BMP6: variants seen among roughly 807,000 people sequenced by gnomAD.
BMP6 encodes the protein VG-1-R.
In BMP6, 17 loss-of-function variants were observed where a neutral mutation model predicts 54.1. The observed-to-expected ratio is 0.31, with a 90% CI of 0.22 to 0.47. The LOEUF is 0.47. BMP6 is among the 20% of genes least tolerant of loss of function. The pLI, the probability that BMP6 is intolerant of heterozygous loss-of-function variation, is 1.00. For synonymous variants in BMP6, 328 were observed against 291.2 expected, an observed-to-expected ratio of 1.13 and a Z score of -1.28; for missense variants, 720 against 690.4, an observed-to-expected ratio of 1.04 and a Z score of -0.48.
intron 1 of BMP6, among the ~76,000 whole-genome samples, chr6:7,806,635 A>T (rs1051735043): frequency 1.3e-5 from 2 of 152,244 alleles, no homozygotes; most frequent in African/African-American, 4.8e-5. Flanking sequence ...TAAACAAAGC[A>T]AGTACAAAGT....
intron 1 of BMP6, among the ~76,000 whole-genome samples, chr6:7,841,813 A>G (rs1390388099): frequency 6.6e-6 from 1 of 152,180 alleles, no homozygotes; most frequent in African/African-American, 2.4e-5. Flanking sequence ...ACTTCATGAT[A>G]TTGTTGTTTT....
At chr6:7,840,358 C>T (rs1477542049) in intron 1 of BMP6, among the ~76,000 whole-genome samples, 1 of 152,184 alleles carries the variant, frequency 6.6e-6, no homozygotes, top group Non-Finnish European at 1.5e-5. Flanking sequence ...ACAACAGTCT[C>T]AGTCACTTTC....
rs1337861918 is a variant in BMP6 at position 7,797,776 on chromosome 6, AC to A, written c.665-47362del. Among the ~76,000 whole-genome samples, 5 of 152,306 alleles carry A rather than the reference AC, an allele frequency of 3.3e-5. No individual in the cohort carries two copies. The East Asian group carries it at 9.6e-4, about 29-fold the overall frequency. The stretch of plus-strand genomic sequence containing the variant: ...TTAATAACAGCAACAAAAAGAAGAG[AC>A]CGATACAAGTTATAGAGAACCTCAA... On this transcript the variant is annotated intron_variant, in intron 1 of 6. Transcript: ENST00000283147.
At chr6:7,801,188 C>A (rs535774690) in intron 1 of BMP6, among the ~76,000 whole-genome samples, 2 of 152,326 alleles carry the variant, frequency 1.3e-5, no homozygotes, top group South Asian at 4.1e-4. Flanking sequence ...CTTTTTAAGA[C>A]AGCATTTATT....
chr6:7,786,452 T>G (rs76394620), intron 1 of BMP6, among the ~76,000 whole-genome samples: 1,689 of 128,374 alleles, frequency 0.013, 14 homozygotes, highest in East Asian at 0.045. Context: ...TTTTCCCTTC[T>G]TTAGTCTGTT....
At chr6:7,762,406 G>A (rs1250096062) in intron 1 of BMP6, among the ~76,000 whole-genome samples, 1 of 152,200 alleles carries the variant, frequency 6.6e-6, no homozygotes, top group Non-Finnish European at 1.5e-5. Flanking sequence ...GATCTTGAAG[G>A]TTTGCTTTAA....
At chr6:7,847,626 A>G (rs1759086275) in intron 2 of BMP6, among the ~76,000 whole-genome samples, 1 of 152,214 alleles carries the variant, frequency 6.6e-6, no homozygotes, top group Non-Finnish European at 1.5e-5. Context: ...TTGAAAAATT[A>G]AAAACAGAGT....
intron 1 of BMP6, among the ~76,000 whole-genome samples, chr6:7,804,041 T>G (rs1299160722): frequency 6.6e-6 from 1 of 152,088 alleles, no homozygotes; most frequent in Admixed American, 6.6e-5. Context: ...TGCCCTCCAA[T>G]GAATATAAAA....
At chr6:7,850,604 G>A (rs540204605) in intron 2 of BMP6, among the ~76,000 whole-genome samples, 32 of 152,206 alleles carry the variant, frequency 2.1e-4, no homozygotes, top group African/African-American at 6.0e-4. Context: ...GAGAGAAAAG[G>A]GTAAAAACAC....
intron 1 of BMP6, among the ~76,000 whole-genome samples, chr6:7,773,335 A>AT (rs1757818217): frequency 6.6e-6 from 1 of 152,196 alleles, no homozygotes; most frequent in Non-Finnish European, 1.5e-5. Flanking sequence ...TCCAAAAGGA[A>AT]TTAGGGAAGG....
At chr6:7,866,425 A>T (rs1759424837) in intron 4 of BMP6, among the ~76,000 whole-genome samples, 1 of 152,016 alleles carries the variant, frequency 6.6e-6, no homozygotes, top group African/African-American at 2.4e-5. Context: ...ACTCTCTTTT[A>T]TGGTAGCTCT....
intron 1 of BMP6, among the ~76,000 whole-genome samples, chr6:7,764,561 G>A (rs913303871): frequency 6.6e-6 from 1 of 152,120 alleles, no homozygotes; most frequent in African/African-American, 2.4e-5. Context: ...TCAGATGTTC[G>A]TTCTGATGGT....
At chr6:7,877,399 A>C (rs1759637531) in intron 4 of BMP6, among the ~76,000 whole-genome samples, 1 of 152,146 alleles carries the variant, frequency 6.6e-6, no homozygotes, top group African/African-American at 2.4e-5. Flanking sequence ...AGATGGGCAG[A>C]TCACTTAAGG....
intron 1 of BMP6, among the ~76,000 whole-genome samples, chr6:7,736,705 G>A (rs80307251): frequency 2.0e-5 from 3 of 152,326 alleles, no homozygotes; most frequent in Non-Finnish European, 2.9e-5. Flanking sequence ...AGAGCAGTTC[G>A]TTTGAGGGAT....
chr6:7,877,941 C>T (rs1036583220), intron 4 of BMP6, among the ~76,000 whole-genome samples: 1 of 152,226 alleles, frequency 6.6e-6, no homozygotes, highest in Non-Finnish European at 1.5e-5. Flanking sequence ...TGCTCTGCAG[C>T]TCAGAACCCT....
chr6:7,783,754 T>A (rs768838975), intron 1 of BMP6, among the ~76,000 whole-genome samples: 17 of 152,258 alleles, frequency 1.1e-4, no homozygotes, highest in Non-Finnish European at 2.5e-4. Flanking sequence ...TGGGGAGACC[T>A]CCTCATTCAG....
chr6:7,835,333 C>G (rs542349088), intron 1 of BMP6, among the ~76,000 whole-genome samples: 5 of 152,234 alleles, frequency 3.3e-5, no homozygotes, highest in Admixed American at 2.6e-4. Context: ...AGGATGGTCT[C>G]GATCTCCTGA....
intron 1 of BMP6, among the ~76,000 whole-genome samples, chr6:7,826,913 C>G (rs1758705802): frequency 6.6e-6 from 1 of 152,152 alleles, no homozygotes; most frequent in Non-Finnish European, 1.5e-5. Flanking sequence ...AGACCCCTCT[C>G]CACTCCTCTC....
At chr6:7,753,068 A>G (rs961125918) in intron 1 of BMP6, among the ~76,000 whole-genome samples, 4 of 152,188 alleles carry the variant, frequency 2.6e-5, no homozygotes, top group African/African-American at 9.7e-5. Context: ...TGATGTTAAA[A>G]AAAAAATACT....
Sources: allele counts gnomAD v4.1 joint callset (sites outside exome capture counted in the v4.1 genomes callset), GRCh38; gene constraint gnomAD v4.1.1; transcripts MANE v1.5; gene names NCBI Gene and HGNC (gene_info 2026-07-23, HGNC 2026-07-21).